The following SPCS3 variants were observed in gnomAD, a reference collection of about 807,000 sequenced individuals.
The protein encoded by SPCS3 is signal peptidase complex subunit 3.
Under a neutral mutation model 17.2 loss-of-function variants are expected in SPCS3, and 9 were observed. The observed-to-expected ratio is 0.52, with a 90% confidence interval of 0.31 to 0.91. The LOEUF is 0.91. Ranked by LOEUF, SPCS3 falls within the 40% of genes least tolerant of loss-of-function variation. The probability of loss-of-function intolerance (pLI) is 0.04; values close to 1 mark genes in which losing one functional copy is unlikely to be tolerated. For missense variants in SPCS3, 139 were observed against 217.5 expected, an observed-to-expected ratio of 0.64 and a Z score of 2.27; for synonymous variants, 87 against 89.6, an observed-to-expected ratio of 0.97 and a Z score of 0.16.
intron 1 of SPCS3, 34 bp downstream of exon 1, chr4:176,320,253 G>C: frequency 6.7e-7 from 1 of 1,492,790 alleles, no homozygotes; most frequent in Non-Finnish European, 8.9e-7. Context: ...GCAGGACGCC[G>C]GGACCGGGCT....
At chr4:176,327,017 A>G (rs887643780) in intron 3 of SPCS3, 145 bp from the exon 4 acceptor site, 2 of 503,130 alleles carry the variant, frequency 4.0e-6, no homozygotes, top group African/African-American at 2.0e-5. Flanking sequence ...TCTCTTTGCT[A>G]TCATTTGTAT....
chr4:176,320,920 TGAAGAAGTCTG>T (rs1201348686), intron 1 of SPCS3: 5 of 152,208 alleles, frequency 3.3e-5, no homozygotes, highest in African/African-American at 9.6e-5. Context: ...GCCAACCACT[TGAAGAAGTCTG>T]CGAAAACGCC....
At chr4:176,322,981 T>C (rs1193727496) in intron 2 of SPCS3, among the ~76,000 whole-genome samples, 1 of 152,122 alleles carries the variant, frequency 6.6e-6, no homozygotes, top group East Asian at 1.9e-4. Context: ...GTTGTGGAGA[T>C]TGAACGATCT....
At chr4:176,326,993 C>CT in intron 3 of SPCS3, 169 bp from the exon 4 acceptor site, 3 of 446,190 alleles carry the variant, frequency 6.7e-6, no homozygotes, top group Non-Finnish European at 4.0e-6. Flanking sequence ...AAGTTTGCCC[C>CT]TTTTTTGTAT....
intron 1 of SPCS3, chr4:176,320,487 T>A (rs1169211257): frequency 4.7e-6 from 1 of 211,966 alleles, no homozygotes; most frequent in Non-Finnish European, 9.2e-6. Flanking sequence ...GGTCGGTGCC[T>A]CCGCTTGCTT....
intron 4 of SPCS3, among the ~76,000 whole-genome samples, chr4:176,327,909 A>G (rs970557681): frequency 6.6e-6 from 1 of 152,170 alleles, no homozygotes; most frequent in African/African-American, 2.4e-5. Context: ...CTCTTTTTAC[A>G]TTTACTGTTT....
At chr4:176,327,328 A>G (rs550442371) in intron 4 of SPCS3, 51 bp downstream of exon 4, 2 of 1,108,468 alleles carry the variant, frequency 1.8e-6, no homozygotes, top group South Asian at 3.6e-5. Context: ...TGAAAAAGAG[A>G]GAAAGATGTA....
intron 3 of SPCS3, 45 bp from the exon 4 acceptor site, chr4:176,327,117 T>C: frequency 9.0e-7 from 1 of 1,105,702 alleles, no homozygotes; most frequent in Non-Finnish European, 1.3e-6. Context: ...AGTGATAAGA[T>C]GGTATTTCTG....
chr4:176,326,852 C>T (rs1013306088), intron 3 of SPCS3: 19 of 174,262 alleles, frequency 1.1e-4, no homozygotes, highest in Non-Finnish European at 1.6e-4. Flanking sequence ...TCTGTTCCTC[C>T]AAAGGCCTCA....
rs1258340916 is a variant in SPCS3 at position 176,332,016 on chromosome 4, A to G, written c.*3686A>G. 2.6e-5 allele frequency: 4 copies of G among 152,270 alleles called. No individual in the cohort carries two copies. Among genetic ancestry groups the G allele is most frequent in the Non-Finnish European group, 4.4e-5 (3 of 68,090 alleles). The allele number at this position is 152,270 out of a possible 1,614,324, so 9.4% of individuals were successfully genotyped here. A position where few individuals can be genotyped will look rare whatever the true frequency, so the allele number is the denominator to read the frequency against. ...GCTTTTTACGTGAAGCTGCTAAACT[A>G]AAAGTAAATGGAAGAAACCAAGTCT... On this transcript the variant is annotated 3_prime_UTR_variant, in exon 5 of 5. Transcript: ENST00000503362.
intron 1 of SPCS3, 127 bp downstream of exon 1, chr4:176,320,346 C>G: frequency 2.2e-6 from 2 of 915,802 alleles, no homozygotes; most frequent in Non-Finnish European, 2.8e-6. Context: ...CCCTCCTGAG[C>G]GGCAGTTCGC....
At chr4:176,325,924 T>G (rs1731600584) in intron 3 of SPCS3, among the ~76,000 whole-genome samples, 1 of 152,080 alleles carries the variant, frequency 6.6e-6, no homozygotes, top group Non-Finnish European at 1.5e-5. Context: ...AATCATAAAC[T>G]AATAGTTTTA....
chr4:176,331,386 T>G lies in SPCS3; in HGVS notation c.*3056T>G, dbSNP rs1731684171. 1 of 152,128 alleles carries G rather than the reference T, an allele frequency of 6.6e-6. No homozygotes were observed. Among genetic ancestry groups the G allele is most frequent in the African/African-American group, 2.4e-5 (1 of 41,428 alleles). 9.4% of individuals were successfully genotyped at this position (152,128 alleles called of 1,614,324 possible). On this transcript the variant is annotated 3_prime_UTR_variant, in exon 5 of 5. Coordinates refer to ENST00000503362, the MANE Select transcript of SPCS3 (RefSeq NM_021928.4). ...TTGGTAGCAAACAAGCATATATTCA[T>G]TTCAAAACTTTCCTTGCTTTTAGCA...
chr4:176,327,889 C>T (rs149175248), intron 4 of SPCS3, among the ~76,000 whole-genome samples: 1 of 152,292 alleles, frequency 6.6e-6, no homozygotes, highest in East Asian at 1.9e-4. Context: ...TGCTCTGATT[C>T]TTAGCTCGTC....
chr4:176,324,109 C>T, intron 2 of SPCS3, 72 bp from the exon 3 acceptor site: 3 of 783,358 alleles, frequency 3.8e-6, no homozygotes, highest in Non-Finnish European at 5.4e-6. Context: ...GGATAAATAA[C>T]CTAAGAATAA....
chr4:176,322,117 G>A, intron 1 of SPCS3, 53 bp from the exon 2 acceptor site: 1 of 1,194,374 alleles, frequency 8.4e-7, no homozygotes, highest in Non-Finnish European at 1.2e-6. Flanking sequence ...GAAGTTACGT[G>A]AATTGTGTAT....
intron 3 of SPCS3, among the ~76,000 whole-genome samples, chr4:176,325,080 T>C (rs1731588181): frequency 1.4e-5 from 2 of 146,366 alleles, no homozygotes; most frequent in Admixed American, 7.0e-5. Context: ...AGACAGAGTC[T>C]CGTGCTTGTA....
In SPCS3 at chr4:176,332,163, A is replaced by G. The variant is rs1731700593; in HGVS notation, c.*3833A>G. 1 of 152,244 alleles carries G rather than the reference A, an allele frequency of 6.6e-6. No individual in the cohort carries two copies. The highest frequency in any genetic ancestry group is 2.4e-5 in the African/African-American group (1 of 41,460). 9.4% of individuals were successfully genotyped at this position (152,244 alleles called of 1,614,324 possible). Reference sequence around the variant, plus strand: ...GTAAGCTCTTTGAGGGCAGTCTGTCAGATTTATCTTTGTATCTTCCCCAGC... The same window carrying G: ...GTAAGCTCTTTGAGGGCAGTCTGTCGGATTTATCTTTGTATCTTCCCCAGC... On this transcript the variant is annotated 3_prime_UTR_variant, in exon 5 of 5. Coordinates refer to ENST00000503362, the MANE Select transcript of SPCS3 (RefSeq NM_021928.4).
intron 1 of SPCS3, 139 bp downstream of exon 1, chr4:176,320,358 C>A: frequency 1.3e-6 from 1 of 799,844 alleles, no homozygotes; most frequent in South Asian, 5.6e-5. Flanking sequence ...GCAGTTCGCC[C>A]CCGAGGGCGG....
Sources: allele counts gnomAD v4.1 joint callset (sites outside exome capture counted in the v4.1 genomes callset), GRCh38; gene constraint gnomAD v4.1.1; transcripts MANE v1.5; gene names NCBI Gene and HGNC (gene_info 2026-07-23, HGNC 2026-07-21).